DIP2B: variants seen among roughly 807,000 people sequenced by gnomAD.
The protein encoded by DIP2B is disco-interacting protein 2 homolog B.
DIP2B carries 76 observed loss-of-function variants against 198.0 expected under a neutral mutation model. The ratio of observed to expected loss-of-function variants is 0.38; its 90% CI spans 0.32 to 0.46. DIP2B has a LOEUF of 0.46. Ranked by LOEUF, DIP2B falls within the 20% of genes least tolerant of loss-of-function variation. DIP2B has a pLI of 0.99. For missense variants in DIP2B, 1,559 were observed against 1,978.4 expected, an observed-to-expected ratio of 0.79 and a Z score of 4.02; for synonymous variants, 701 against 739.1, an observed-to-expected ratio of 0.95 and a Z score of 0.84.
chr12:50,584,163 A>C (rs186965363), intron 1 of DIP2B, among the ~76,000 whole-genome samples: 2 of 152,308 alleles, frequency 1.3e-5, no homozygotes, highest in South Asian at 4.1e-4. Context: ...TTCTAAATCT[A>C]TATCCACAGC....
chr12:50,732,543 C>T lies in DIP2B; in HGVS notation c.3981+7C>T. 1 of 1,613,796 alleles carries T rather than the reference C, an allele frequency of 6.2e-7. No homozygotes were observed. Among genetic ancestry groups the T allele is most frequent in the Non-Finnish European group, 8.5e-7 (1 of 1,179,956 alleles). On this transcript the variant is annotated splice_region_variant and intron_variant, in intron 32 of 37. Coordinates refer to ENST00000301180, the MANE Select transcript of DIP2B (RefSeq NM_173602.3). The stretch of plus-strand genomic sequence containing the variant: ...TGTAGCAATATGTTTACAGGTGACC[C>T]TCATGAAATCTTGTCTGTTGACAAA...
chr12:50,622,686 G>A (rs1273597586), intron 1 of DIP2B, among the ~76,000 whole-genome samples: 1 of 152,048 alleles, frequency 6.6e-6, no homozygotes, highest in African/African-American at 2.4e-5. Flanking sequence ...TCAGCTCACC[G>A]CAGTAACCTC....
chr12:50,520,813 A>T (rs962742273), intron 1 of DIP2B, among the ~76,000 whole-genome samples: 1 of 152,166 alleles, frequency 6.6e-6, no homozygotes, highest in African/African-American at 2.4e-5. Context: ...TAGTGAATGA[A>T]TCTAGATTCT....
At chr12:50,682,984 C>G (rs1450328765) in intron 9 of DIP2B, among the ~76,000 whole-genome samples, 154 bp from the exon 10 acceptor site, 1 of 152,196 alleles carries the variant, frequency 6.6e-6, no homozygotes, top group Non-Finnish European at 1.5e-5. Context: ...ATGTGTGTCT[C>G]TATCTCAGTA....
intron 1 of DIP2B, among the ~76,000 whole-genome samples, chr12:50,548,247 A>G (rs1349565053): frequency 6.6e-6 from 1 of 152,114 alleles, no homozygotes; most frequent in African/African-American, 2.4e-5. Context: ...TTTTTTGTGT[A>G]TGCTTTTCTG....
At chr12:50,625,846 A>T in intron 1 of DIP2B, 130 bp from the exon 2 acceptor site, 1 of 866,508 alleles carries the variant, frequency 1.2e-6, no homozygotes, top group Non-Finnish European at 1.8e-6. Flanking sequence ...AAAGAACCAT[A>T]CATTCCCCCC....
intron 1 of DIP2B, among the ~76,000 whole-genome samples, chr12:50,529,628 T>TA (rs1446493035): frequency 1.3e-5 from 2 of 152,206 alleles, no homozygotes; most frequent in Non-Finnish European, 2.9e-5. Context: ...CATAGAATCT[T>TA]ACATTTTATC....
chr12:50,677,250 CTG>C (rs922214500), intron 7 of DIP2B, among the ~76,000 whole-genome samples: 3 of 152,106 alleles, frequency 2.0e-5, no homozygotes, highest in African/African-American at 4.8e-5. Flanking sequence ...AGCGCTGAGT[CTG>C]TGTGTGTTTA....
chr12:50,714,989 C>T (rs990050465), intron 23 of DIP2B, among the ~76,000 whole-genome samples: 1 of 152,166 alleles, frequency 6.6e-6, no homozygotes, highest in South Asian at 2.1e-4. Flanking sequence ...CGGAGGCAAA[C>T]ATATCCTTGA....
chr12:50,637,289 G>T (rs1014120393), intron 2 of DIP2B, among the ~76,000 whole-genome samples: 1 of 152,096 alleles, frequency 6.6e-6, no homozygotes, highest in African/African-American at 2.4e-5. Context: ...CCCTTCAAAG[G>T]CTGCCCACTC....
At position 50,714,533 on chromosome 12, in the gene DIP2B, A is replaced by C. The variant is rs557781406; in HGVS notation, c.2788A>C (p.Asn930His). The C allele has an allele frequency of 1.2e-6, 2 of 1,614,192 alleles. No homozygotes were observed. The highest frequency in any genetic ancestry group is 1.3e-5 in the African/African-American group (1 of 75,056). ...TCTGGAGGGATCACTGCATCCTTGC[A>C]ACATCCTCATGTGCCCCCATACATG... ...LFLEGSLHPCNILMCPHTCVT... is the reference protein window; with the variant it reads ...LFLEGSLHPCHILMCPHTCVT... The change falls in exon 23 of 38, where the codon AAC becomes CAC. Residue 930 changes from asparagine (N) to histidine (H), a missense_variant. Asn to His is a moderately conservative substitution (Grantham distance 68, BLOSUM62 1). Coordinates refer to ENST00000301180, the MANE Select transcript of DIP2B (RefSeq NM_173602.3).
chr12:50,582,338 CG>C (rs1462908445), intron 1 of DIP2B, among the ~76,000 whole-genome samples: 2 of 151,534 alleles, frequency 1.3e-5, no homozygotes, highest in African/African-American at 2.4e-5. Flanking sequence ...TTAGTAGAGA[CG>C]GGGTTTCACC....
chr12:50,588,934 T>C lies in DIP2B; in HGVS notation c.101-37042T>C, dbSNP rs188793290. Among the ~76,000 whole-genome samples, 3 of 152,008 alleles carry C rather than the reference T, an allele frequency of 2.0e-5. No individual in the cohort carries two copies. The East Asian group carries it at 5.8e-4, about 30-fold the overall frequency. ...GCGCGGTGGCTCACGCCTGTAATCC[T>C]AGCACTTTGGGAGGCCGAGGCGGGC... On this transcript the variant is annotated intron_variant, in intron 1 of 37. Transcript: ENST00000301180.
chr12:50,513,150 C>T (rs921525803), intron 1 of DIP2B, among the ~76,000 whole-genome samples: 2 of 152,152 alleles, frequency 1.3e-5, no homozygotes, highest in Non-Finnish European at 2.9e-5. Context: ...TGAATGGATG[C>T]GTGGAGACTT....
At chr12:50,533,933 GA>G (rs1460381308) in intron 1 of DIP2B, among the ~76,000 whole-genome samples, 3 of 152,116 alleles carry the variant, frequency 2.0e-5, no homozygotes, top group Non-Finnish European at 4.4e-5. Context: ...TTGGAGATGG[GA>G]GAAACTTTTT....
chr12:50,574,174 T>TA (rs546655887), intron 1 of DIP2B, among the ~76,000 whole-genome samples: 9 of 152,218 alleles, frequency 5.9e-5, no homozygotes, highest in Middle Eastern at 6.8e-3. Flanking sequence ...ATGTAACCTT[T>TA]AAAAAAAATC....
At chr12:50,653,328 C>CTTTTTTT (rs71086465) in intron 3 of DIP2B, among the ~76,000 whole-genome samples, 8 of 116,302 alleles carry the variant, frequency 6.9e-5, no homozygotes, top group Admixed American at 1.0e-4. Context: ...GTCTTTCTTT[C>CTTTTTTT]TTTTTTTTTT....
chr12:50,633,852 T>C (rs533995949), intron 2 of DIP2B, among the ~76,000 whole-genome samples: 1 of 152,298 alleles, frequency 6.6e-6, no homozygotes, highest in African/African-American at 2.4e-5. Flanking sequence ...GCTTCAAAAT[T>C]ACCCTAAAAA....
At chr12:50,585,847 A>C (rs1958765535) in intron 1 of DIP2B, among the ~76,000 whole-genome samples, 1 of 152,224 alleles carries the variant, frequency 6.6e-6, no homozygotes, top group South Asian at 2.1e-4. Context: ...AGAGGATAAC[A>C]CTTTTGTCAT....
Sources: allele counts gnomAD v4.1 joint callset (sites outside exome capture counted in the v4.1 genomes callset), GRCh38; gene constraint gnomAD v4.1.1; transcripts MANE v1.5; gene names NCBI Gene and HGNC (gene_info 2026-07-23, HGNC 2026-07-21).